The following FARS2 variants were observed in gnomAD, a reference collection of about 807,000 sequenced individuals.
The protein encoded by FARS2 is phenylalanyl-tRNA synthetase 2, mitochondrial, also known as phenylalanine--tRNA ligase, mitochondrial.
In FARS2, 40 loss-of-function variants were observed where a neutral mutation model predicts 46.4. The observed-to-expected ratio is 0.86, with a 90% CI of 0.67 to 1.12. The LOEUF is 1.12. Among genes scored for constraint, FARS2 ranks in the 50% most tolerant of loss-of-function variants. The pLI is 0.00. For missense variants in FARS2, 513 were observed against 567.9 expected, an observed-to-expected ratio of 0.90 and a Z score of 0.98; for synonymous variants, 234 against 214.9, an observed-to-expected ratio of 1.09 and a Z score of -0.78.
At chr6:5,768,550 TCACCTCA>T (rs1270684642) in intron 6 of FARS2, among the ~76,000 whole-genome samples, 1 of 152,224 alleles carries the variant, frequency 6.6e-6, no homozygotes, top group Admixed American at 6.5e-5. Context: ...AATGATACTT[TCACCTCA>T]CACCCAATTA....
At chr6:5,546,929 GTTATTTTATT>G (rs58939691) in intron 5 of FARS2, among the ~76,000 whole-genome samples, 29 of 151,166 alleles carry the variant, frequency 1.9e-4, no homozygotes, top group East Asian at 5.8e-4. Context: ...ATTCATAATG[GTTATTTTATT>G]TTATTTTATT....
At chr6:5,523,841 C>T (rs1582348460) in intron 4 of FARS2, among the ~76,000 whole-genome samples, 1 of 152,166 alleles carries the variant, frequency 6.6e-6, no homozygotes, top group East Asian at 1.9e-4. Flanking sequence ...CCCTCAAATC[C>T]AAGGAGACAC....
At chr6:5,498,739 T>C (rs533036989) in intron 4 of FARS2, among the ~76,000 whole-genome samples, 1 of 152,350 alleles carries the variant, frequency 6.6e-6, no homozygotes, top group African/African-American at 2.4e-5. Flanking sequence ...TCAGATTGAA[T>C]TCCTGTTTCT....
chr6:5,436,672 A>G (rs998592406), intron 4 of FARS2, among the ~76,000 whole-genome samples: 4 of 152,152 alleles, frequency 2.6e-5, no homozygotes, highest in Admixed American at 6.6e-5. Context: ...CATAAAGGAG[A>G]TGGTCTTTGA....
In FARS2 at chr6:5,523,287, G is replaced by C. The variant is rs550668885; in HGVS notation, c.905-21893G>C. On this transcript the variant is annotated intron_variant, in intron 4 of 6. Transcript: ENST00000274680. ...CACCTGCACGGGCATAGAAGCTTGA[G>C]GTATGGTGGTGGTGAGCTGGGAAGG... is the stretch of plus-strand genomic sequence containing the variant. Among the ~76,000 whole-genome samples the C allele has an allele frequency of 1.5e-4, 23 of 152,320 alleles. No individual in the cohort carries two copies. In the South Asian group the frequency reaches 4.6e-3, roughly 30 times the overall value.
intron 6 of FARS2, among the ~76,000 whole-genome samples, chr6:5,645,212 T>C (rs747414370): frequency 1.7e-3 from 253 of 152,324 alleles, no homozygotes; most frequent in Middle Eastern, 3.4e-3. Context: ...GGTGTAAAAT[T>C]AGGCACTGGA....
intron 5 of FARS2, among the ~76,000 whole-genome samples, chr6:5,554,485 AT>A (rs1452022928): frequency 6.6e-6 from 1 of 152,188 alleles, no homozygotes; most frequent in Non-Finnish European, 1.5e-5. Flanking sequence ...GGTAGCAAAC[AT>A]CAGCCATGAG....
chr6:5,310,255 A>G (rs1363546527), intron 1 of FARS2, among the ~76,000 whole-genome samples: 2 of 152,180 alleles, frequency 1.3e-5, no homozygotes, highest in Admixed American at 1.3e-4. Context: ...AAAGATTTAA[A>G]CATAAAAGCA....
At chr6:5,589,141 G>T (rs1393658390) in intron 5 of FARS2, among the ~76,000 whole-genome samples, 6 of 152,152 alleles carry the variant, frequency 3.9e-5, no homozygotes, top group Admixed American at 3.9e-4. Flanking sequence ...CACACAGCCT[G>T]GTCCATAGGG....
intron 3 of FARS2, among the ~76,000 whole-genome samples, chr6:5,414,811 G>GGT (rs1762127480): frequency 2.3e-5 from 2 of 86,680 alleles, no homozygotes; most frequent in Non-Finnish European, 4.3e-5. Flanking sequence ...GTATATGACT[G>GGT]TTTTTTTTTT....
intron 1 of FARS2, among the ~76,000 whole-genome samples, chr6:5,315,139 AATAAATTTTTGG>A (rs2127554673): frequency 6.6e-6 from 1 of 152,342 alleles, no homozygotes; most frequent in East Asian, 1.9e-4. Context: ...GGATTTTAGG[AATAAATTTTTGG>A]AATAAGTAAC....
intron 4 of FARS2, among the ~76,000 whole-genome samples, chr6:5,517,888 T>C (rs756934571): frequency 1.9e-4 from 29 of 152,170 alleles, no homozygotes; most frequent in Non-Finnish European, 4.3e-4. Flanking sequence ...AATAGAAATA[T>C]AATGTAAGTC....
intron 4 of FARS2, among the ~76,000 whole-genome samples, chr6:5,537,937 A>G (rs923797248): frequency 6.6e-6 from 1 of 151,576 alleles, no homozygotes; most frequent in African/African-American, 2.4e-5. Context: ...GCTTCTGTGC[A>G]TAGGCTCGCC....
intron 3 of FARS2, among the ~76,000 whole-genome samples, chr6:5,421,490 A>G (rs1490689153): frequency 6.6e-6 from 1 of 152,192 alleles, no homozygotes; most frequent in Non-Finnish European, 1.5e-5. Flanking sequence ...TTCTCCTCAG[A>G]AAATGGGATT....
chr6:5,681,789 C>A (rs1322801315), intron 6 of FARS2, among the ~76,000 whole-genome samples: 2 of 152,214 alleles, frequency 1.3e-5, no homozygotes, highest in African/African-American at 4.8e-5. Flanking sequence ...GCTTCTCCCC[C>A]TCCCTTCCTT....
At chr6:5,489,152 A>G (rs1206001108) in intron 4 of FARS2, among the ~76,000 whole-genome samples, 1 of 152,124 alleles carries the variant, frequency 6.6e-6, no homozygotes, top group Non-Finnish European at 1.5e-5. Flanking sequence ...GGGGTATTTC[A>G]GTTTAAAATA....
rs115730035 is a variant in FARS2, at chr6:5,312,391, G to A, written c.-22+50731G>A. Among the ~76,000 whole-genome samples the A allele has an allele frequency of 2.2e-3, 336 of 152,266 alleles. 2 individuals carry two copies. Among genetic ancestry groups the A allele is most frequent in the African/African-American group, 7.8e-3 (323 of 41,544 alleles). ...TTAAACTTCATAACAACCTTGAGAAGTAGACTGAATTTTCTTTATTATCTG... is the reference window on the plus strand; with the variant it reads ...TTAAACTTCATAACAACCTTGAGAAATAGACTGAATTTTCTTTATTATCTG... On this transcript the variant is annotated intron_variant, in intron 1 of 6. Transcript: ENST00000274680.
chr6:5,585,132 G>A (rs1773546004), intron 5 of FARS2, among the ~76,000 whole-genome samples: 1 of 151,920 alleles, frequency 6.6e-6, no homozygotes, highest in African/African-American at 2.4e-5. Flanking sequence ...TTTTCTGTAG[G>A]CTAAAAATCT....
At chr6:5,422,854 T>G (rs915099827) in intron 3 of FARS2, among the ~76,000 whole-genome samples, 1 of 152,134 alleles carries the variant, frequency 6.6e-6, no homozygotes, top group African/African-American at 2.4e-5. Context: ...TGACATTCAA[T>G]GAAAAAAAAT....
Sources: gnomAD v4.1 joint callset for allele counts (sites outside exome capture counted in the v4.1 genomes callset) on GRCh38, gnomAD v4.1.1 for gene constraint, MANE v1.5 for transcripts, NCBI Gene and HGNC (gene_info 2026-07-23, HGNC 2026-07-21) for gene names.